Variants in ABCC9 observed in about 807,000 individuals in gnomAD.
The protein encoded by ABCC9 is ATP binding cassette subfamily C member 9.
Under a neutral mutation model 188.3 loss-of-function variants are expected in ABCC9, and 95 were observed. The observed-to-expected ratio is 0.50, with a 90% CI of 0.43 to 0.60. The LOEUF is 0.60. Ranked by LOEUF, ABCC9 falls within the 20% of genes least tolerant of loss-of-function variation. The probability of loss-of-function intolerance (pLI) is 0.00; values close to 1 mark genes in which losing one functional copy is unlikely to be tolerated. For synonymous variants in ABCC9, 659 were observed against 652.7 expected (o/e 1.01, Z -0.15); for missense variants, 1,102 against 1,876.3 (o/e 0.59, Z 7.62).
chr12:21,855,403 G>A (rs1945171559), intron 22 of ABCC9, among the ~76,000 whole-genome samples: 1 of 152,016 alleles, frequency 6.6e-6, no homozygotes, highest in Non-Finnish European at 1.5e-5. Context: ...TGTATTTTCA[G>A]TAGAGATGGG....
rs372737293 is a variant in ABCC9, at chr12:21,852,056, C to T, written c.2769+41G>A. On this transcript the variant is annotated intron_variant, in intron 24 of 39. Transcript: ENST00000261200. ...AGTAATTAGTAAATTTCTAACTCTT[C>T]TGAATTGGGCTCTGAACTCTTCTGA... 5.6e-6 allele frequency: 9 copies of T among 1,611,716 alleles called. No individual in the cohort carries two copies. The African/African-American group carries it at 9.4e-5, about 17-fold the overall frequency.
rs144988007 is a variant in ABCC9, at chr12:21,829,490, C to T, written c.3567-430G>A. On this transcript the variant is annotated intron_variant, in intron 30 of 39. Transcript: ENST00000261200. ...TGCTGGGATTACAGGCGTGTGCCAC[C>T]GCACCCGGCCCAGTAAATAGACTTC... 3.6e-3 allele frequency among the ~76,000 whole-genome samples: 552 copies of T among 152,206 alleles called. 2 individuals carry two copies. Among genetic ancestry groups the T allele is most frequent in the African/African-American group, 9.3e-3 (386 of 41,540 alleles).
At chr12:21,857,627 A>G (rs1049876679) in intron 22 of ABCC9, among the ~76,000 whole-genome samples, 92 of 152,238 alleles carry the variant, frequency 6.0e-4, no homozygotes, top group African/African-American at 2.2e-3. Context: ...AACTAACTAT[A>G]TGCATCCTTA....
intron 16 of ABCC9, among the ~76,000 whole-genome samples, chr12:21,879,636 T>A (rs931161421): frequency 6.6e-5 from 10 of 151,928 alleles, no homozygotes; most frequent in East Asian, 5.8e-4. Flanking sequence ...TTTTTTTTTT[T>A]AAATTTAAAG....
intron 2 of ABCC9, among the ~76,000 whole-genome samples, chr12:21,937,234 C>T (rs778222977): frequency 1.3e-5 from 2 of 151,968 alleles, no homozygotes; most frequent in African/African-American, 2.4e-5. Flanking sequence ...TCAGTCTTTC[C>T]CTGAAGAATA....
intron 18 of ABCC9, among the ~76,000 whole-genome samples, chr12:21,865,916 G>A (rs1284149291): frequency 6.6e-6 from 1 of 151,646 alleles, no homozygotes; most frequent in Admixed American, 6.6e-5. Context: ...AGACAGGTGG[G>A]GTAAAAGATG....
intron 18 of ABCC9, among the ~76,000 whole-genome samples, chr12:21,870,264 T>G (rs1250049302): frequency 1.3e-5 from 2 of 152,028 alleles, no homozygotes. Flanking sequence ...GTTTTTTGTT[T>G]TTTTTTTTAA....
In ABCC9 at chr12:21,904,638, C is replaced by T. The variant is rs1174670759; in HGVS notation, c.1618+1488G>A. On this transcript the variant is annotated intron_variant, in intron 12 of 39. Coordinates refer to ENST00000261200, the MANE Select transcript of ABCC9 (RefSeq NM_020297.4). ...GCAAAGGGTCTGAACAGACACTTCT[C>T]AAAAGAAGACATTTATGCAGCCAAC... is the stretch of plus-strand genomic sequence containing the variant. 2.6e-5 allele frequency among the ~76,000 whole-genome samples: 4 copies of T among 152,308 alleles called. No homozygotes were observed. The South Asian group carries it at 6.2e-4, about 24-fold the overall frequency.
intron 31 of ABCC9, among the ~76,000 whole-genome samples, chr12:21,821,629 C>G (rs959608551): frequency 2.0e-5 from 3 of 152,038 alleles, no homozygotes; most frequent in Non-Finnish European, 4.4e-5. Flanking sequence ...ATTATGCAGT[C>G]AATTTCTCGC....
At chr12:21,911,754 C>T (rs1948335472) in intron 8 of ABCC9, among the ~76,000 whole-genome samples, 1 of 151,906 alleles carries the variant, frequency 6.6e-6, no homozygotes, top group South Asian at 2.1e-4. Flanking sequence ...AAGTCCTATT[C>T]TTTCTTAGCA....
chr12:21,869,156 A>T (rs1353270163), intron 18 of ABCC9, among the ~76,000 whole-genome samples: 1 of 152,220 alleles, frequency 6.6e-6, no homozygotes, highest in Non-Finnish European at 1.5e-5. Context: ...TGCAGCGAAG[A>T]GATAGCATTG....
rs7132025 is a variant in ABCC9, at chr12:21,807,200, A to G, written c.4449+146T>C. ...TATTTATTGTAATTCTCAATGTGCT[A>G]TCATCAGTTCATCCAGTAGATGATT... On this transcript the variant is annotated intron_variant, in intron 38 of 39. Transcript: ENST00000261200. 312 of 1,042,474 alleles carry G rather than the reference A, an allele frequency of 3.0e-4. 2 individuals carry two copies. In the African/African-American group the frequency reaches 4.2e-3, roughly 14 times the overall value. 64.6% of individuals were successfully genotyped at this position (1,042,474 alleles called of 1,614,324 possible).
At chr12:21,836,886 G>C (rs1054265798) in intron 30 of ABCC9, among the ~76,000 whole-genome samples, 2 of 152,076 alleles carry the variant, frequency 1.3e-5, no homozygotes, top group South Asian at 4.1e-4. Context: ...TATCACAAAG[G>C]AAATAAAAAG....
chr12:21,821,942 A>G (rs1423767982), intron 31 of ABCC9, among the ~76,000 whole-genome samples: 1 of 152,154 alleles, frequency 6.6e-6, no homozygotes, highest in Admixed American at 6.5e-5. Flanking sequence ...AATTTTCAAT[A>G]TGATCACTAG....
chr12:21,892,582 A>T (rs1487177939), intron 14 of ABCC9, among the ~76,000 whole-genome samples: 1 of 152,228 alleles, frequency 6.6e-6, no homozygotes, highest in Non-Finnish European at 1.5e-5. Flanking sequence ...CAGAACAATA[A>T]GAAAATGAGG....
intron 30 of ABCC9, among the ~76,000 whole-genome samples, chr12:21,833,843 C>T (rs1288674987): frequency 1.3e-5 from 2 of 152,170 alleles, no homozygotes; most frequent in Non-Finnish European, 2.9e-5. Flanking sequence ...TTAACTGTCC[C>T]ATCCCGCCTA....
At chr12:21,870,354 T>G (rs1946008772) in intron 18 of ABCC9, among the ~76,000 whole-genome samples, 1 of 152,086 alleles carries the variant, frequency 6.6e-6, no homozygotes, top group Admixed American at 6.6e-5. Context: ...ACTCCTAGGC[T>G]TAAGAGATCT....
intron 20 of ABCC9, among the ~76,000 whole-genome samples, chr12:21,862,688 C>T (rs1945581368): frequency 6.6e-6 from 1 of 152,112 alleles, no homozygotes; most frequent in Non-Finnish European, 1.5e-5. Flanking sequence ...CTTACCCTCC[C>T]CACCCCACAC....
intron 4 of ABCC9, among the ~76,000 whole-genome samples, chr12:21,931,902 T>G (rs1191417521): frequency 6.6e-6 from 1 of 152,134 alleles, no homozygotes; most frequent in Non-Finnish European, 1.5e-5. Context: ...TATCAGAAAT[T>G]AAGACATGCA....
Sources: allele counts gnomAD v4.1 joint callset (sites outside exome capture counted in the v4.1 genomes callset), GRCh38; gene constraint gnomAD v4.1.1; transcripts MANE v1.5; gene names NCBI Gene and HGNC (gene_info 2026-07-23, HGNC 2026-07-21).